The following POU2F1 variants were observed in gnomAD, a reference collection of about 807,000 sequenced individuals.
The protein encoded by POU2F1 is POU class 2 homeobox 1, also known as POU domain, class 2, transcription factor 1.
Under a neutral mutation model 84.9 loss-of-function variants are expected in POU2F1, and 16 were observed. The observed-to-expected ratio is 0.19, with a 90% CI of 0.13 to 0.29. The LOEUF (loss-of-function observed/expected upper bound fraction) is 0.29, where lower values mean the gene tolerates loss of function less well. Ranked by LOEUF, POU2F1 falls within the 10% of genes least tolerant of loss-of-function variation. POU2F1 has a pLI of 1.00. For missense variants in POU2F1, 738 were observed against 942.6 expected (o/e 0.78, Z 2.84); for synonymous variants, 368 against 368.3 (o/e 1.00, Z 0.01).
chr1:167,401,193 T>C (rs969956333), intron 12 of POU2F1, among the ~76,000 whole-genome samples: 34 of 152,214 alleles, frequency 2.2e-4, no homozygotes, highest in Non-Finnish European at 4.4e-4. Flanking sequence ...GTAAAGTTGA[T>C]AATTAGTATA....
chr1:167,305,436 G>A (rs974048837), intron 1 of POU2F1, among the ~76,000 whole-genome samples: 1 of 152,034 alleles, frequency 6.6e-6, no homozygotes. Context: ...CTGAGCTCAG[G>A]CAATCTGCCC....
At chr1:167,276,613 C>A (rs1171250904) in intron 1 of POU2F1, among the ~76,000 whole-genome samples, 1 of 151,938 alleles carries the variant, frequency 6.6e-6, no homozygotes, top group Non-Finnish European at 1.5e-5. Flanking sequence ...AACCATTGAC[C>A]CACTCTTTGA....
At chr1:167,410,661 G>A (rs375432288) in intron 13 of POU2F1, among the ~76,000 whole-genome samples, 3 of 151,888 alleles carry the variant, frequency 2.0e-5, no homozygotes, top group South Asian at 2.1e-4. Context: ...GATTACAGGC[G>A]CCCACCACCA....
At chr1:167,232,656 A>G (rs925781957) in intron 1 of POU2F1, among the ~76,000 whole-genome samples, 2 of 152,202 alleles carry the variant, frequency 1.3e-5, no homozygotes, top group African/African-American at 2.4e-5. Context: ...CAGCCTGGCC[A>G]ATAGGGTGAA....
intron 2 of POU2F1, among the ~76,000 whole-genome samples, chr1:167,343,285 C>A (rs1657976784): frequency 6.6e-6 from 1 of 152,034 alleles, no homozygotes; most frequent in Admixed American, 6.6e-5. Flanking sequence ...ATGAGGTAAC[C>A]CAGTAACAAA....
chr1:167,394,856 A>G (rs993376361), intron 9 of POU2F1, among the ~76,000 whole-genome samples: 1 of 152,212 alleles, frequency 6.6e-6, no homozygotes, highest in Non-Finnish European at 1.5e-5. Flanking sequence ...TAACCCAACT[A>G]CCACCTAATA....
intron 2 of POU2F1, among the ~76,000 whole-genome samples, chr1:167,346,646 G>A (rs1291120395): frequency 6.6e-6 from 1 of 152,084 alleles, no homozygotes; most frequent in Non-Finnish European, 1.5e-5. Flanking sequence ...ACGCGCCTAT[G>A]AGAATCTAGT....
chr1:167,321,728 C>G (rs1656325177), intron 1 of POU2F1, among the ~76,000 whole-genome samples: 1 of 152,064 alleles, frequency 6.6e-6, no homozygotes, highest in South Asian at 2.1e-4. Context: ...AAAATGATAC[C>G]CTAAACCTTG....
intron 1 of POU2F1, among the ~76,000 whole-genome samples, chr1:167,223,435 G>GGT (rs1267161733): frequency 6.6e-6 from 1 of 151,298 alleles, no homozygotes; most frequent in Non-Finnish European, 1.5e-5. Context: ...TTTGTGTAGG[G>GGT]GTGTGTGTGA....
At chr1:167,325,980 T>G (rs914029736) in intron 1 of POU2F1, among the ~76,000 whole-genome samples, 7 of 152,062 alleles carry the variant, frequency 4.6e-5, no homozygotes, top group Admixed American at 3.9e-4. Context: ...AAAGGCTACA[T>G]TTTAGGCGTA....
intron 1 of POU2F1, among the ~76,000 whole-genome samples, chr1:167,221,216 C>G (rs1245020063): frequency 2.0e-5 from 3 of 151,450 alleles, no homozygotes; most frequent in African/African-American, 7.3e-5. Flanking sequence ...CCGGCCCACC[C>G]CGCCGCCGCT....
At chr1:167,316,690 T>A (rs1487327365) in intron 1 of POU2F1, among the ~76,000 whole-genome samples, 2 of 152,196 alleles carry the variant, frequency 1.3e-5, no homozygotes, top group African/African-American at 2.4e-5. Flanking sequence ...GTCACACAGA[T>A]TCTGGAAGCC....
chr1:167,239,815 A>G (rs965764495), intron 1 of POU2F1, among the ~76,000 whole-genome samples: 13 of 152,196 alleles, frequency 8.5e-5, no homozygotes, highest in African/African-American at 2.9e-4. Context: ...GTATGTCGTC[A>G]GGGTTATACT....
chr1:167,259,891 T>G (rs921876774), intron 1 of POU2F1, among the ~76,000 whole-genome samples: 2 of 152,178 alleles, frequency 1.3e-5, no homozygotes, highest in Admixed American at 6.5e-5. Context: ...TTTCTTTTTT[T>G]TTTTTGAGAC....
At chr1:167,239,078 T>G (rs1649713038) in intron 1 of POU2F1, among the ~76,000 whole-genome samples, 1 of 151,134 alleles carries the variant, frequency 6.6e-6, no homozygotes, top group South Asian at 2.1e-4. Flanking sequence ...CCTGACAAAC[T>G]TTTTTTCCCC....
At chr1:167,401,142 C>T (rs866146759) in intron 12 of POU2F1, among the ~76,000 whole-genome samples, 1 of 152,030 alleles carries the variant, frequency 6.6e-6, no homozygotes, top group Non-Finnish European at 1.5e-5. Flanking sequence ...AATACATGTA[C>T]CCCAGATTCC....
At chr1:167,261,480 T>C (rs1349642945) in intron 1 of POU2F1, among the ~76,000 whole-genome samples, 1 of 152,158 alleles carries the variant, frequency 6.6e-6, no homozygotes, top group Non-Finnish European at 1.5e-5. Context: ...AAGAGCAAGA[T>C]ATAGGGATAG....
chr1:167,247,631 A>G (rs7533017), intron 1 of POU2F1, among the ~76,000 whole-genome samples: 22,476 of 152,176 alleles, frequency 0.15, 1,996 homozygotes, highest in Non-Finnish European at 0.2. Flanking sequence ...TCTGTCTATA[A>G]TACAATGATC....
chr1:167,290,632 T>G (rs1280498458), intron 1 of POU2F1, among the ~76,000 whole-genome samples: 1 of 152,240 alleles, frequency 6.6e-6, no homozygotes, highest in Admixed American at 6.5e-5. Flanking sequence ...CATAGTAATC[T>G]CTCAAAATTG....
Sources: allele counts gnomAD v4.1 joint callset (sites outside exome capture counted in the v4.1 genomes callset), GRCh38; gene constraint gnomAD v4.1.1; transcripts MANE v1.5; gene names NCBI Gene and HGNC (gene_info 2026-07-23, HGNC 2026-07-21).